The following DMRTB1 variants were observed in gnomAD, a reference collection of about 807,000 sequenced individuals.
The protein encoded by DMRTB1 is DMRT like family B with proline rich C-terminal 1.
In DMRTB1, 9 loss-of-function variants were observed where a neutral mutation model predicts 25.2. The ratio of observed to expected loss-of-function variants is 0.36; its 90% CI spans 0.22 to 0.62. The LOEUF (loss-of-function observed/expected upper bound fraction) is 0.62, where lower values mean the gene tolerates loss of function less well. DMRTB1 is among the 20% of genes least tolerant of loss of function. DMRTB1 has a pLI of 0.71. For synonymous variants in DMRTB1, 269 were observed against 238.1 expected (o/e 1.13, Z -1.20); for missense variants, 551 against 499.3 (o/e 1.10, Z -0.99).
intron 2 of DMRTB1, 38 bp from the exon 3 acceptor site, chr1:53,464,595 ACTCT>A (rs765508334): frequency 4.7e-5 from 75 of 1,610,736 alleles, no homozygotes; most frequent in Non-Finnish European, 6.1e-5. Flanking sequence ...CATCTGGCTA[ACTCT>A]CTCTCCTCTC....
At chr1:53,464,878 G>A (rs943514) in intron 3 of DMRTB1, 31 bp downstream of exon 3, 79,091 of 1,612,352 alleles carry the variant, frequency 0.049, 3,601 homozygotes, top group African/African-American at 0.24. Context: ...CAGCTTCAGC[G>A]AGAGCCAGGG....
Position 53,466,313 on chromosome 1 carries a change from C to A in DMRTB1, c.962-282C>A, listed in dbSNP as rs998335460. ...CAAGACCAGCCTGGCCAACATGGGG[C>A]AACCCTGTCTCTACTAAAAATACAA... On this transcript the variant is annotated intron_variant, in intron 3 of 3. Coordinates refer to ENST00000371445, the MANE Select transcript of DMRTB1 (RefSeq NM_033067.3). Among the ~76,000 whole-genome samples, 128 of 152,048 alleles carry A rather than the reference C, an allele frequency of 8.4e-4. 1 individual carries two copies. The highest frequency in any genetic ancestry group is 3.0e-3 in the African/African-American group (124 of 41,494).
intron 1 of DMRTB1, 85 bp downstream of exon 1, chr1:53,460,115 G>A: frequency 7.0e-7 from 1 of 1,422,316 alleles, no homozygotes; most frequent in Non-Finnish European, 9.1e-7. Context: ...TAGGGGTTCG[G>A]GGTGGAGAGA....
chr1:53,462,299 A>G (rs1289005369), intron 2 of DMRTB1, among the ~76,000 whole-genome samples: 1 of 152,142 alleles, frequency 6.6e-6, no homozygotes, highest in Non-Finnish European at 1.5e-5. Context: ...GGTGTGATTG[A>G]GTTTTATGGC....
rs1350230749 is a variant in DMRTB1, at chr1:53,466,592, C to T, written c.962-3C>T. 1.2e-6 allele frequency: 2 copies of T among 1,614,204 alleles called. No individual in the cohort carries two copies. The highest frequency in any genetic ancestry group is 1.7e-5 in the Admixed American group (1 of 60,024). Reference sequence around the variant, plus strand: ...ATCCAGCTACCTTCTTTGTCCTTCACAGATGACCAGGATGCAGAGGTACTG... The same window carrying T: ...ATCCAGCTACCTTCTTTGTCCTTCATAGATGACCAGGATGCAGAGGTACTG... On this transcript the variant is annotated splice_region_variant and splice_polypyrimidine_tract_variant and intron_variant, in intron 3 of 3. Transcript: ENST00000371445.
At chr1:53,465,043 G>T (rs1644043950) in intron 3 of DMRTB1, among the ~76,000 whole-genome samples, 196 bp downstream of exon 3, 1 of 152,224 alleles carries the variant, frequency 6.6e-6, no homozygotes, top group Non-Finnish European at 1.5e-5. Context: ...GTGGGAATGG[G>T]ATTCCAGGTG....
intron 3 of DMRTB1, among the ~76,000 whole-genome samples, chr1:53,465,279 G>A (rs1644044931): frequency 6.6e-6 from 1 of 152,180 alleles, no homozygotes; most frequent in African/African-American, 2.4e-5. Flanking sequence ...GCAGCAGCAG[G>A]AACCCGTGTG....
intron 1 of DMRTB1, chr1:53,460,381 C>G: frequency 5.3e-6 from 1 of 187,158 alleles, no homozygotes; most frequent in Non-Finnish European, 1.1e-5. Context: ...CACCTCTTCC[C>G]GCCATTTCCT....
intron 2 of DMRTB1, 55 bp from the exon 3 acceptor site, chr1:53,464,582 G>A: frequency 6.2e-7 from 1 of 1,611,342 alleles, no homozygotes. Flanking sequence ...TGTTTGGTCA[G>A]CCCATCTGGC....
chr1:53,461,533 G>A lies in DMRTB1; in HGVS notation c.638G>A (p.Ser213Asn). 6.2e-7 allele frequency: 1 copy of A among 1,612,226 alleles called. No individual in the cohort carries two copies. The change falls in exon 2 of 4, where the codon AGC (serine) becomes AAC (asparagine). Residue 213 changes from serine (S) to asparagine (N), a missense_variant. Physicochemically the swap from Ser to Asn is conservative, Grantham distance 46. Transcript: ENST00000371445. ...ALGPEYPGGS[S>N]MHPYCPFPLG... ...GGCCCTGAGTACCCTGGTGGCTCCA[G>A]CATGCACCCCTACTGCCCGTTCCCG...
chr1:53,464,612 CCT>C, intron 2 of DMRTB1, 23 bp from the exon 3 acceptor site: 1 of 1,612,546 alleles, frequency 6.2e-7, no homozygotes, highest in African/African-American at 1.3e-5. Context: ...CTCCTCTCCG[CCT>C]CTCTGCTGTG....
In DMRTB1 at chr1:53,463,325, C is replaced by G. The variant is rs538516465; in HGVS notation, c.751-1312C>G. Among the ~76,000 whole-genome samples the G allele has an allele frequency of 1.3e-4, 20 of 152,294 alleles. No homozygotes were observed. In the South Asian group the frequency reaches 2.1e-3, roughly 16 times the overall value. On this transcript the variant is annotated intron_variant, in intron 2 of 3. Transcript: ENST00000371445. Reference sequence around the variant, plus strand: ...CCTGCTGCTGCTTGGCTTCCTCTGCCCTCCTGTTCACAGGACAGCACTGGC... The same window carrying G: ...CCTGCTGCTGCTTGGCTTCCTCTGCGCTCCTGTTCACAGGACAGCACTGGC...
intron 1 of DMRTB1, 179 bp downstream of exon 1, chr1:53,460,209 G>C (rs918495435): frequency 1.1e-6 from 1 of 885,472 alleles, no homozygotes; most frequent in African/African-American, 1.8e-5. Context: ...TTCGCAAAAA[G>C]GAAACGAGAA....
chr1:53,460,045 T>C lies in DMRTB1; in HGVS notation c.577+15T>C. ...CACCGACTTTGGTAAGTCGTGGCCT[T>C]GGTCCCGCGGTCGACTCCCGGAGCT... On this transcript the variant is annotated intron_variant, in intron 1 of 3. Transcript: ENST00000371445. 1 of 1,553,138 alleles carries C rather than the reference T, an allele frequency of 6.4e-7. No individual in the cohort carries two copies. Among genetic ancestry groups the C allele is most frequent in the Non-Finnish European group, 8.6e-7 (1 of 1,158,202 alleles).
chr1:53,466,845 T>C lies in DMRTB1; in HGVS notation c.*183T>C. The C allele has an allele frequency of 1.6e-6, 1 of 632,646 alleles. No individual in the cohort carries two copies. The highest frequency in any genetic ancestry group is 2.8e-5 in the East Asian group (1 of 36,174). 39.2% of individuals were successfully genotyped at this position (632,646 alleles called of 1,614,324 possible). Reference sequence around the variant, plus strand: ...TAAGTTTCAATCCTGCGCTGTACAGTTGAAGAAGAGTGTGGAGGAAGCTAT... The same window carrying C: ...TAAGTTTCAATCCTGCGCTGTACAGCTGAAGAAGAGTGTGGAGGAAGCTAT... On this transcript the variant is annotated 3_prime_UTR_variant, in exon 4 of 4. Transcript: ENST00000371445.
chr1:53,463,047 C>T (rs953122174), intron 2 of DMRTB1, among the ~76,000 whole-genome samples: 3 of 152,212 alleles, frequency 2.0e-5, no homozygotes, highest in African/African-American at 7.2e-5. Flanking sequence ...TTTATCTGGG[C>T]CTGAGCTGCC....
Position 53,466,960 on chromosome 1 carries a change from A to G in DMRTB1, c.*298A>G. 2.6e-6 allele frequency: 1 copy of G among 387,832 alleles called. No individual in the cohort carries two copies. The highest frequency in any genetic ancestry group is 4.6e-6 in the Non-Finnish European group (1 of 216,656). 24.0% of individuals were successfully genotyped at this position (387,832 alleles called of 1,614,324 possible). On this transcript the variant is annotated 3_prime_UTR_variant, in exon 4 of 4. Transcript: ENST00000371445. Reference sequence around the variant, plus strand: ...TTAACTGTCCTTGGGTTACACTACCATTTATTGGAACAAGCCCCAGAGGCA... The same window carrying G: ...TTAACTGTCCTTGGGTTACACTACCGTTTATTGGAACAAGCCCCAGAGGCA...
At chr1:53,464,131 A>G (rs1000939860) in intron 2 of DMRTB1, among the ~76,000 whole-genome samples, 1 of 150,442 alleles carries the variant, frequency 6.6e-6, no homozygotes, top group African/African-American at 2.5e-5. Context: ...TGTGCCAGAC[A>G]GGGGGTCCTG....
intron 1 of DMRTB1, 60 bp from the exon 2 acceptor site, chr1:53,461,413 G>A (rs899502400): frequency 1.4e-5 from 21 of 1,493,800 alleles, no homozygotes; most frequent in Admixed American, 6.4e-5. Flanking sequence ...GCCCTGGGCC[G>A]CCCTGCGGAT....
Sources: gnomAD v4.1 joint callset for allele counts (sites outside exome capture counted in the v4.1 genomes callset) on GRCh38, gnomAD v4.1.1 for gene constraint, MANE v1.5 for transcripts, NCBI Gene and HGNC (gene_info 2026-07-23, HGNC 2026-07-21) for gene names.